The following AURKB variants were observed in gnomAD, a reference collection of about 807,000 sequenced individuals.
AURKB encodes the protein aurora kinase B.
A neutral mutation model predicts 36.5 loss-of-function variants in AURKB; 28 were observed. The observed-to-expected ratio is 0.77, with a 90% CI of 0.57 to 1.05. AURKB has a LOEUF of 1.05. Ranked by LOEUF, AURKB falls within the 50% of genes least tolerant of loss-of-function variation. The pLI, the probability that AURKB is intolerant of heterozygous loss-of-function variation, is 0.00. For synonymous variants in AURKB, 175 were observed against 172.9 expected (o/e 1.01, Z -0.09); for missense variants, 383 against 447.4 (o/e 0.86, Z 1.30).
Position 8,207,159 on chromosome 17 carries a change from G to C in AURKB, c.398+17C>G. ...AGGGAGCAGAGGGGCTTCGGCTCAG[G>C]GGGCATCAACCCATACTGCAGGTGG... On this transcript the variant is annotated intron_variant, in intron 5 of 8. Transcript: ENST00000585124. 6.2e-7 allele frequency: 1 copy of C among 1,606,236 alleles called. No homozygotes were observed.
At chr17:8,208,118 T>C (rs1985607354) in intron 2 of AURKB, 1 of 267,738 alleles carries the variant, frequency 3.7e-6, no homozygotes, top group East Asian at 9.3e-5. Flanking sequence ...CCATCTCTAC[T>C]AAAAATATAA....
chr17:8,210,305 G>C, intron 1 of AURKB, 56 bp from the exon 2 acceptor site: 1 of 1,325,218 alleles, frequency 7.5e-7, no homozygotes, highest in Non-Finnish European at 1.1e-6. Flanking sequence ...GAGAGAGGGA[G>C]GGGTTGGACC....
At chr17:8,207,889 G>T in intron 2 of AURKB, 49 bp from the exon 3 acceptor site, 1 of 1,460,554 alleles carries the variant, frequency 6.8e-7, no homozygotes, top group Non-Finnish European at 9.4e-7. Context: ...TCTGATGACC[G>T]GGGTGGAATG....
intron 1 of AURKB, 65 bp downstream of exon 1, chr17:8,210,465 C>G: frequency 1.8e-6 from 1 of 550,478 alleles, no homozygotes; most frequent in East Asian, 3.3e-5. Flanking sequence ...GCCCAACGGA[C>G]CCTCTGATCT....
rs1416479957 is a variant in AURKB, at chr17:8,205,370, G to A, written c.707C>T (p.Thr236Ile). 1 of 1,614,152 alleles carries A rather than the reference G, an allele frequency of 6.2e-7. No individual in the cohort carries two copies. Among genetic ancestry groups the A allele is most frequent in the Non-Finnish European group, 8.5e-7 (1 of 1,180,016 alleles). The stretch of plus-strand genomic sequence containing the variant: ...CATCTCTGGGGGCAGGTAGTCCAGG[G>A]TGCCACACATTGTCTTCCTCCTGGG... ...PSLRRKTMCG[T>I]LDYLPPEMIE... The change falls in exon 8 of 9, where the codon ACC (threonine) becomes ATC (isoleucine). Residue 236 changes from threonine (T) to isoleucine (I), a missense_variant. Thr to Ile is a moderately conservative substitution (Grantham distance 89). Coordinates refer to ENST00000585124, the MANE Select transcript of AURKB (RefSeq NM_004217.4).
intron 8 of AURKB, 63 bp from the exon 9 acceptor site, chr17:8,205,107 A>G (rs1044126487): frequency 3.9e-6 from 6 of 1,547,400 alleles, no homozygotes; most frequent in African/African-American, 1.4e-5. Context: ...TTCCTTGACT[A>G]CCCATTCTGT....
chr17:8,207,865 T>G, intron 2 of AURKB, 25 bp from the exon 3 acceptor site: 13 of 1,575,210 alleles, frequency 8.3e-6, no homozygotes, highest in Non-Finnish European at 1.0e-5. Context: ...GGGGTAGCTC[T>G]GAGGGTGCCT....
intron 2 of AURKB, chr17:8,209,855 T>G: frequency 2.4e-6 from 1 of 422,600 alleles, no homozygotes; most frequent in Non-Finnish European, 4.2e-6. Flanking sequence ...GTTTTTTTTT[T>G]TTCAGGATAT....
intron 2 of AURKB, among the ~76,000 whole-genome samples, chr17:8,209,247 A>T (rs1985802327): frequency 6.6e-6 from 1 of 152,200 alleles, no homozygotes; most frequent in South Asian, 2.1e-4. Context: ...TCCTGACCTC[A>T]GGTGATCCAC....
rs1985459439 is a variant in AURKB at position 8,207,327 on chromosome 17, G to C, written c.247C>G (p.Leu83Val). The change falls in exon 5 of 9, where the codon CTG (leucine) becomes GTG (valine). Residue 83 changes from leucine to valine, a missense_variant. This residue lies in a region of AURKB where 59 missense variants were observed against 99.0 expected (regional missense o/e 0.60). Coordinates refer to ENST00000585124, the MANE Select transcript of AURKB (RefSeq NM_004217.4). ...ACGTTTCCAAACTTGCCTTTGCCCAGAGGACGCCCAATCTCAAAGTCATCA... is the reference window on the plus strand; with the variant it reads ...ACGTTTCCAAACTTGCCTTTGCCCACAGGACGCCCAATCTCAAAGTCATCA... ...TIDDFEIGRP[L>V]GKGKFGNVYL... 3 of 1,614,154 alleles carry C rather than the reference G, an allele frequency of 1.9e-6. No individual in the cohort carries two copies. The highest frequency in any genetic ancestry group is 2.5e-6 in the Non-Finnish European group (3 of 1,180,028).
chr17:8,206,878 T>G lies in AURKB; in HGVS notation c.409A>C (p.Ile137Leu), dbSNP rs754259507. The G allele has an allele frequency of 1.1e-5, 18 of 1,614,116 alleles. No individual in the cohort carries two copies. Among genetic ancestry groups the G allele is most frequent in the Non-Finnish European group, 1.3e-5 (15 of 1,180,014 alleles). The part of the protein sequence containing the change: ...EIQAHLHHPN[I>L]LRLYNYFYDR... The stretch of plus-strand genomic sequence containing the variant: ...TAAAAATAGTTGTAGAGACGCAGGA[T>G]GTTGGGATGGCTGGGGGAAGAGACA... The change falls in exon 6 of 9, where the codon ATC becomes CTC. Residue 137 changes from isoleucine (I) to leucine (L), a missense_variant. Physicochemically the swap from Ile to Leu is conservative, Grantham distance 5 (BLOSUM62 2). Transcript: ENST00000585124. This position sits in a 1 kb window ranked among gnomAD's most constrained non-coding sequence, Gnocchi z 4.2.
chr17:8,207,100 G>T (rs1428073705), intron 5 of AURKB, 76 bp downstream of exon 5: 5 of 1,526,204 alleles, frequency 3.3e-6, no homozygotes, highest in Non-Finnish European at 4.4e-6. Context: ...AAAGCAATCT[G>T]GATGAAGTGG....
Position 8,206,459 on chromosome 17 carries a change from A to G in AURKB, c.686+32T>C, listed in dbSNP as rs1036383826. The G allele has an allele frequency of 5.6e-6, 9 of 1,613,150 alleles. No individual in the cohort carries two copies. Among genetic ancestry groups the G allele is most frequent in the Non-Finnish European group, 6.8e-6 (8 of 1,179,662 alleles). ...GGAGAGGTTTTAATGGCCCAGCCTC[A>G]CACCCAGGTCTGGCCTCCCAGGCCA... On this transcript the variant is annotated intron_variant, in intron 7 of 8. Coordinates refer to ENST00000585124, the MANE Select transcript of AURKB (RefSeq NM_004217.4). The surrounding 1 kb of genome is among the most constrained non-coding windows in gnomAD (Gnocchi z 4.2).
rs756899404 is a variant in AURKB at position 8,206,881 on chromosome 17, T to C, written c.406A>G (p.Asn136Asp). Residue 136 changes from asparagine to aspartate, a missense_variant, in exon 6 of 9, where the codon AAC (asparagine) becomes GAC (aspartate). Asn to Asp is a conservative substitution (Grantham distance 23). This residue lies in a region of AURKB where 59 missense variants were observed against 99.0 expected (regional missense o/e 0.60). Transcript: ENST00000585124. This position sits in a 1 kb window ranked among gnomAD's most constrained non-coding sequence, Gnocchi z 4.2. ...AAATAGTTGTAGAGACGCAGGATGT[T>C]GGGATGGCTGGGGGAAGAGACAGAG... ...IEIQAHLHHP[N>D]ILRLYNYFYD... The C allele has an allele frequency of 1.2e-6, 2 of 1,614,128 alleles. No homozygotes were observed. Among genetic ancestry groups the C allele is most frequent in the East Asian group, 2.2e-5 (1 of 44,880 alleles).
Position 8,206,885 on chromosome 17 carries a change from A to C in AURKB, c.402T>G (p.His134Gln). 6.2e-7 allele frequency: 1 copy of C among 1,614,210 alleles called. No homozygotes were observed. The highest frequency in any genetic ancestry group is 8.5e-7 in the Non-Finnish European group (1 of 1,180,042). ...AGTTGTAGAGACGCAGGATGTTGGG[A>C]TGGCTGGGGGAAGAGACAGAGGAGG... The part of the protein sequence containing the change: ...REIEIQAHLH[H>Q]PNILRLYNYF... The change falls in exon 6 of 9, where the codon CAT becomes CAG. Residue 134 changes from histidine (H) to glutamine (Q), a missense_variant. This residue lies in a region of AURKB where 59 missense variants were observed against 99.0 expected (regional missense o/e 0.60). Coordinates refer to ENST00000585124, the MANE Select transcript of AURKB (RefSeq NM_004217.4). The surrounding 1 kb of genome is among the most constrained non-coding windows in gnomAD (Gnocchi z 4.2).
At position 8,207,728 on chromosome 17, in the gene AURKB, C is replaced by G; in HGVS notation, c.151+10G>C. On this transcript the variant is annotated intron_variant, in intron 3 of 8. Transcript: ENST00000585124. Reference sequence around the variant, plus strand: ...CCCCAGCTCAGTCCTCTCCCCCTTGCGCCAGTTACCTGTGGGCTGGACATT... The same window carrying G: ...CCCCAGCTCAGTCCTCTCCCCCTTGGGCCAGTTACCTGTGGGCTGGACATT... The G allele has an allele frequency of 6.2e-7, 1 of 1,614,020 alleles. No homozygotes were observed. Among genetic ancestry groups the G allele is most frequent in the Non-Finnish European group, 8.5e-7 (1 of 1,179,908 alleles).
At position 8,206,975 on chromosome 17, in the gene AURKB, C is replaced by T; in HGVS notation, c.399-87G>A. ...GGAGCAAACTGGGGTCAGACGTGGC[C>T]CAGGCCGGGGACACCAGGGCTGGGA... is the stretch of plus-strand genomic sequence containing the variant. On this transcript the variant is annotated intron_variant, in intron 5 of 8. Transcript: ENST00000585124. The surrounding 1 kb of genome is among the most constrained non-coding windows in gnomAD (Gnocchi z 4.2). The T allele has an allele frequency of 1.9e-6, 3 of 1,590,532 alleles. No homozygotes were observed. The highest frequency in any genetic ancestry group is 2.6e-6 in the Non-Finnish European group (3 of 1,169,416).
Position 8,206,700 on chromosome 17 carries a change from C to T in AURKB, c.537+50G>A. On this transcript the variant is annotated intron_variant, in intron 6 of 8. Coordinates refer to ENST00000585124, the MANE Select transcript of AURKB (RefSeq NM_004217.4). The surrounding 1 kb of genome is among the most constrained non-coding windows in gnomAD (Gnocchi z 4.2). ...GGACCTCCAGCTACAAGCAGCACAC[C>T]CTCAGCCTCGAGCCCCCTACTGGCG... 10 of 1,613,076 alleles carry T rather than the reference C, an allele frequency of 6.2e-6. No homozygotes were observed. The highest frequency in any genetic ancestry group is 8.5e-6 in the Non-Finnish European group (10 of 1,179,304).
Position 8,206,469 on chromosome 17 carries a change from C to G in AURKB, c.686+22G>C. 3 of 1,613,720 alleles carry G rather than the reference C, an allele frequency of 1.9e-6. No homozygotes were observed. Among genetic ancestry groups the G allele is most frequent in the Non-Finnish European group, 2.5e-6 (3 of 1,179,880 alleles). On this transcript the variant is annotated intron_variant, in intron 7 of 8. Transcript: ENST00000585124. The surrounding 1 kb of genome is among the most constrained non-coding windows in gnomAD (Gnocchi z 4.2). The stretch of plus-strand genomic sequence containing the variant: ...TAATGGCCCAGCCTCACACCCAGGT[C>G]TGGCCTCCCAGGCCACCATACCTCA...
Sources: gnomAD v4.1 joint callset for allele counts (sites outside exome capture counted in the v4.1 genomes callset) on GRCh38, gnomAD v4.1.1 for gene constraint, gnomAD v4.1.1 regional missense constraint, Gnocchi (gnomAD v3.1) non-coding constraint, MANE v1.5 for transcripts, NCBI Gene and HGNC (gene_info 2026-07-23, HGNC 2026-07-21) for gene names.